COL4A2: variants seen among roughly 807,000 people sequenced by gnomAD.
The protein encoded by COL4A2 is collagen type IV alpha 2 chain.
A neutral mutation model predicts 200.2 loss-of-function variants in COL4A2; 99 were observed. The observed-to-expected ratio is 0.49, with a 90% CI of 0.42 to 0.58. The LOEUF is 0.58. Ranked by LOEUF, COL4A2 falls within the 20% of genes least tolerant of loss-of-function variation. COL4A2 has a pLI of 0.00. For missense variants in COL4A2, 1,950 were observed against 2,314.1 expected, an observed-to-expected ratio of 0.84 and a Z score of 3.23; for synonymous variants, 897 against 900.6, an observed-to-expected ratio of 1.00 and a Z score of 0.07.
chr13:110,442,413 T>C (rs111439321), intron 16 of COL4A2, among the ~76,000 whole-genome samples: 1 of 152,368 alleles, frequency 6.6e-6, no homozygotes, highest in African/African-American at 2.4e-5. Flanking sequence ...ACCACAGCTA[T>C]GTCCGCCCTC....
chr13:110,465,253 T>C, intron 24 of COL4A2, 152 bp from the exon 25 acceptor site: 1 of 1,030,816 alleles, frequency 9.7e-7, no homozygotes, highest in South Asian at 1.7e-5. Flanking sequence ...GTGACCTGGC[T>C]GACCATGGCA....
chr13:110,357,762 C>G (rs546575092), intron 4 of COL4A2, among the ~76,000 whole-genome samples: 4 of 152,106 alleles, frequency 2.6e-5, no homozygotes. Context: ...CAAACCTGTA[C>G]GTAGGCAGTT....
At position 110,508,178 on chromosome 13, in the gene COL4A2, C is replaced by A; in HGVS notation, c.4838C>A (p.Pro1613Gln). 6.2e-7 allele frequency: 1 copy of A among 1,614,252 alleles called. No individual in the cohort carries two copies. Among genetic ancestry groups the A allele is most frequent in the South Asian group, 1.1e-5 (1 of 91,090 alleles). ...HSQDVSIPHC[P>Q]AGWRSLWIGY... The stretch of plus-strand genomic sequence containing the variant: ...CAGGATGTCTCCATCCCACACTGCC[C>A]AGCTGGGTGGCGGAGTTTGTGGATC... Residue 1613 changes from proline (P) to glutamine (Q), a missense_variant, in exon 47 of 48, where the codon CCA becomes CAA. Around this residue, in one of 2 missense-constraint regions of COL4A2, gnomAD observed 1,385 missense variants for 1,720.5 expected, o/e 0.80. Transcript: ENST00000360467. This position sits in a 1 kb window ranked among gnomAD's most constrained non-coding sequence, Gnocchi z 6.1.
At chr13:110,356,215 GTTGTA>G (rs1877258735) in intron 3 of COL4A2, among the ~76,000 whole-genome samples, 2 of 152,120 alleles carry the variant, frequency 1.3e-5, no homozygotes, top group African/African-American at 4.8e-5. Flanking sequence ...CTCACTTAAG[GTTGTA>G]TCTCCTTCTC....
At chr13:110,465,349 G>C in intron 24 of COL4A2, 56 bp from the exon 25 acceptor site, 1 of 1,530,500 alleles carries the variant, frequency 6.5e-7, no homozygotes, top group Non-Finnish European at 8.8e-7. Context: ...CAGGGAAGTC[G>C]AGGCGATCTT....
At chr13:110,457,725 T>C (rs1225532505) in intron 21 of COL4A2, 10 of 572,384 alleles carry the variant, frequency 1.7e-5, no homozygotes, top group Non-Finnish European at 3.4e-5. Context: ...CTGTGCTGGG[T>C]TAAAAGGGAA....
intron 4 of COL4A2, among the ~76,000 whole-genome samples, chr13:110,386,299 C>G (rs1878746812): frequency 6.6e-6 from 1 of 152,174 alleles, no homozygotes; most frequent in Admixed American, 6.5e-5. Context: ...AAAAATCCTC[C>G]AAGGTTTTCG....
rs999796060 is a variant in COL4A2, at chr13:110,473,169, A to G, written c.2425+19A>G. ...TTCAGAGGTGAGTGCCCCATCGGGG[A>G]GCCGGGGGCCCCATCCCAGATGCAC... is the stretch of plus-strand genomic sequence containing the variant. On this transcript the variant is annotated intron_variant, in intron 29 of 47. Transcript: ENST00000360467. 2 of 1,548,094 alleles carry G rather than the reference A, an allele frequency of 1.3e-6. No individual in the cohort carries two copies. Among genetic ancestry groups the G allele is most frequent in the Non-Finnish European group, 1.7e-6 (2 of 1,146,308 alleles).
In COL4A2 at chr13:110,353,506, A is replaced by G. The variant is rs118172563; in HGVS notation, c.100-3966A>G. 9.4e-3 allele frequency among the ~76,000 whole-genome samples: 1,429 copies of G among 151,948 alleles called. 18 individuals carry two copies. Among genetic ancestry groups the G allele is most frequent in the Non-Finnish European group, 0.015 (1,013 of 67,962 alleles). The stretch of plus-strand genomic sequence containing the variant: ...TGGGACACCACATAGCAGTCCTCAC[A>G]CTCCTCCTCTGAGGTCCTCAGGGAG... On this transcript the variant is annotated intron_variant, in intron 3 of 47. Coordinates refer to ENST00000360467, the MANE Select transcript of COL4A2 (RefSeq NM_001846.4).
chr13:110,504,037 G>A lies in COL4A2; in HGVS notation c.4285+44G>A, dbSNP rs748869868. 2.6e-6 allele frequency: 4 copies of A among 1,554,840 alleles called. No individual in the cohort carries two copies. In the South Asian group the frequency reaches 4.7e-5, roughly 18 times the overall value. ...GCCTGGAGCCCCTCGGGGCTGCCCGGGCAAGGCCAGGGCCTGCTGGCATTG... is the reference window on the plus strand; with the variant it reads ...GCCTGGAGCCCCTCGGGGCTGCCCGAGCAAGGCCAGGGCCTGCTGGCATTG... On this transcript the variant is annotated intron_variant, in intron 44 of 47. Coordinates refer to ENST00000360467, the MANE Select transcript of COL4A2 (RefSeq NM_001846.4).
chr13:110,307,908 G>A lies in COL4A2; in HGVS notation c.5G>A (p.Gly2Glu). The A allele has an allele frequency of 1.2e-6, 2 of 1,612,768 alleles. No homozygotes were observed. Among genetic ancestry groups the A allele is most frequent in the Non-Finnish European group, 1.7e-6 (2 of 1,179,580 alleles). M[G>E]RDQRAVAGPA... is the part of the protein sequence containing the mutation. ...CAGAGTGGACGAACCGCCAGCATGG[G>A]GAGAGACCAGCGCGCGGTGGCCGGC... Residue 2 changes from glycine (G) to glutamate (E), a missense_variant, in exon 2 of 48, where the codon GGG becomes GAG. Physicochemically the swap from Gly to Glu is moderately conservative, Grantham distance 98 (BLOSUM62 -2). Transcript: ENST00000360467. The surrounding 1 kb of genome is among the most constrained non-coding windows in gnomAD (Gnocchi z 5.0).
chr13:110,373,849 C>G (rs902898170), intron 4 of COL4A2, among the ~76,000 whole-genome samples: 1 of 152,212 alleles, frequency 6.6e-6, no homozygotes, highest in South Asian at 2.1e-4. Flanking sequence ...GTAAGTTAAT[C>G]GGGCACATGC....
intron 32 of COL4A2, among the ~76,000 whole-genome samples, chr13:110,484,541 T>C (rs111257524): frequency 0.021 from 3,175 of 152,246 alleles, 97 homozygotes; most frequent in African/African-American, 0.072. Flanking sequence ...CCTTCCTGCT[T>C]GTGACCGAGG....
At chr13:110,343,690 G>A (rs1436097910) in intron 3 of COL4A2, among the ~76,000 whole-genome samples, 1 of 152,242 alleles carries the variant, frequency 6.6e-6, no homozygotes, top group Non-Finnish European at 1.5e-5. Context: ...CAGCGCTGCT[G>A]TGTGCCAATG....
chr13:110,335,659 T>C (rs921360352), intron 3 of COL4A2, among the ~76,000 whole-genome samples: 2 of 152,236 alleles, frequency 1.3e-5, no homozygotes, highest in African/African-American at 4.8e-5. Context: ...CTCCAGTTTC[T>C]TGTCCCTGAT....
intron 34 of COL4A2, among the ~76,000 whole-genome samples, chr13:110,489,033 C>T (rs948034955): frequency 4.6e-5 from 7 of 152,160 alleles, no homozygotes; most frequent in Admixed American, 4.6e-4. Context: ...AGTTCAAGAC[C>T]AGCCTGGGCA....
At chr13:110,484,359 G>C (rs142397835) in intron 32 of COL4A2, among the ~76,000 whole-genome samples, 125 of 152,156 alleles carry the variant, frequency 8.2e-4, no homozygotes, top group African/African-American at 2.7e-3. Flanking sequence ...CATGGATTCC[G>C]GGGCATCCCC....
At chr13:110,313,331 G>T (rs1348721776) in intron 3 of COL4A2, among the ~76,000 whole-genome samples, 1 of 152,120 alleles carries the variant, frequency 6.6e-6, no homozygotes, top group African/African-American at 2.4e-5. Context: ...TTTTTATTTT[G>T]GTTACCCCTG....
intron 4 of COL4A2, among the ~76,000 whole-genome samples, chr13:110,379,052 G>A (rs543765228): frequency 1.3e-5 from 2 of 152,302 alleles, no homozygotes; most frequent in East Asian, 1.9e-4. Context: ...GCCTAGTTCC[G>A]CAGGCACGGA....
Sources: allele counts gnomAD v4.1 joint callset (sites outside exome capture counted in the v4.1 genomes callset), GRCh38; gene constraint gnomAD v4.1.1; regional missense constraint gnomAD v4.1.1; non-coding constraint Gnocchi (gnomAD v3.1); transcripts MANE v1.5; gene names NCBI Gene and HGNC (gene_info 2026-07-23, HGNC 2026-07-21).